The following ABCA13 variants were observed in gnomAD, a reference collection of about 807,000 sequenced individuals.
The protein encoded by ABCA13 is ATP binding cassette subfamily A member 13.
Under a neutral mutation model 478.7 loss-of-function variants are expected in ABCA13, and 476 were observed. The observed-to-expected ratio is 0.99, with a 90% CI of 0.92 to 1.07. ABCA13 has a LOEUF of 1.07. ABCA13 is among the 50% of genes least tolerant of loss of function. The pLI, the probability that ABCA13 is intolerant of heterozygous loss-of-function variation, is 0.00. For missense variants in ABCA13, 6,060 were observed against 5,910.6 expected (o/e 1.03, Z -0.83); for synonymous variants, 2,252 against 2,158.9 (o/e 1.04, Z -1.20).
At position 48,338,254 on chromosome 7, in the gene ABCA13, GT is replaced by G. The variant is rs1806579338; in HGVS notation, c.10114-108del. The G allele has an allele frequency of 1.2e-5, 9 of 727,662 alleles. No individual in the cohort carries two copies. The East Asian group carries it at 2.8e-4, about 22-fold the overall frequency. 45.1% of individuals were successfully genotyped at this position (727,662 alleles called of 1,614,324 possible). On this transcript the variant is annotated intron_variant, in intron 28 of 61. Coordinates refer to ENST00000435803, the MANE Select transcript of ABCA13 (RefSeq NM_152701.5). ...TTAAAACTTCTTTTAAGTGGATTCA[GT>G]TTATGTGCCTTGTTCCTTTGTAATG...
intron 43 of ABCA13, among the ~76,000 whole-genome samples, chr7:48,462,721 C>A (rs1170722049): frequency 6.6e-6 from 1 of 152,134 alleles, no homozygotes. Flanking sequence ...GCTGGCCAGG[C>A]TGGTCGCGAA....
intron 45 of ABCA13, among the ~76,000 whole-genome samples, chr7:48,477,890 T>G (rs1402582404): frequency 6.6e-6 from 1 of 151,792 alleles, no homozygotes; most frequent in East Asian, 1.9e-4. Flanking sequence ...TAAAGTATAA[T>G]AATAATAAAA....
At chr7:48,629,896 G>A (rs1484361332) in intron 59 of ABCA13, among the ~76,000 whole-genome samples, 1 of 152,116 alleles carries the variant, frequency 6.6e-6, no homozygotes, top group Non-Finnish European at 1.5e-5. Flanking sequence ...ACCACGTATA[G>A]CTACATGGCA....
At chr7:48,441,444 A>G (rs970395184) in intron 42 of ABCA13, among the ~76,000 whole-genome samples, 2 of 152,328 alleles carry the variant, frequency 1.3e-5, no homozygotes, top group Middle Eastern at 3.4e-3. Flanking sequence ...GTCTTCAGAA[A>G]TAGTTTTTTA....
chr7:48,219,623 A>T, intron 4 of ABCA13, 118 bp downstream of exon 4: 2 of 1,318,040 alleles, frequency 1.5e-6, no homozygotes, highest in South Asian at 3.1e-5. Flanking sequence ...CTAAACTTTC[A>T]TAGTGAGTCT....
intron 20 of ABCA13, among the ~76,000 whole-genome samples, chr7:48,291,967 T>C (rs566811382): frequency 2.0e-5 from 3 of 152,290 alleles, no homozygotes; most frequent in African/African-American, 7.2e-5. Flanking sequence ...GGCTCCTCTA[T>C]GTGGCAGAAG....
intron 42 of ABCA13, among the ~76,000 whole-genome samples, chr7:48,452,789 T>C (rs1825199355): frequency 6.6e-6 from 1 of 152,246 alleles, no homozygotes; most frequent in Non-Finnish European, 1.5e-5. Flanking sequence ...AAGAGCTTCT[T>C]GGTCAAAGGG....
chr7:48,580,321 C>T lies in ABCA13; in HGVS notation c.14452C>T (p.His4818Tyr). 1 of 1,613,104 alleles carries T rather than the reference C, an allele frequency of 6.2e-7. No individual in the cohort carries two copies. Among genetic ancestry groups the T allele is most frequent in the Non-Finnish European group, 8.5e-7 (1 of 1,179,576 alleles). The change falls in exon 56 of 62, where the codon CAT becomes TAT. Residue 4818 changes from histidine (H) to tyrosine (Y), a missense_variant. By Grantham distance (83) the His-to-Tyr change is moderately conservative. This residue lies in a region of ABCA13 where 1,627 missense variants were observed against 1,571.0 expected (regional missense o/e 1.04). Transcript: ENST00000435803. ...GGACGAGCTTCTGACTGGTTGGGAA[C>T]ATCTCTATTATTACTGTAGCTTACG... ...ALDELLTGWE[H>Y]LYYYCSLRGI...
At chr7:48,534,517 T>A (rs1833443563) in intron 55 of ABCA13, among the ~76,000 whole-genome samples, 1 of 152,118 alleles carries the variant, frequency 6.6e-6, no homozygotes, top group Admixed American at 6.6e-5. Flanking sequence ...ATTTCCCAGG[T>A]GTTCTTTGAG....
Position 48,272,409 on chromosome 7 carries a change from G to C in ABCA13, c.2743G>C (p.Glu915Gln), listed in dbSNP as rs1224547302. 2.5e-6 allele frequency: 4 copies of C among 1,613,652 alleles called. No homozygotes were observed. The East Asian group carries it at 6.7e-5, about 27-fold the overall frequency. Residue 915 changes from glutamate (E) to glutamine (Q), a missense_variant, in exon 17 of 62, where the codon GAA becomes CAA. Around this residue, in one of 3 missense-constraint regions of ABCA13, gnomAD observed 4,423 missense variants for 4,309.1 expected, o/e 1.03. Transcript: ENST00000435803. ...FGFLEQEQIS[E>Q]ALNTVYAIRN... ...ATTTTTGGAGCAGGAACAGATCTCA[G>C]AAGCTCTGAACACAGTCTACGCTAT...
rs893376170 is a variant in ABCA13, at chr7:48,544,749, AC to A, written c.14354+16407del. 1.7e-4 allele frequency among the ~76,000 whole-genome samples: 26 copies of A among 151,850 alleles called. 1 individual carries two copies. Among genetic ancestry groups the A allele is most frequent in the African/African-American group, 6.3e-4 (26 of 41,402 alleles). On this transcript the variant is annotated intron_variant, in intron 55 of 61. Coordinates refer to ENST00000435803, the MANE Select transcript of ABCA13 (RefSeq NM_152701.5). The stretch of plus-strand genomic sequence containing the variant: ...TGAGCCATTCTAGCAAATTAATCAA[AC>A]CCAAGAAGAGGGTCATAGGATCCCT...
intron 47 of ABCA13, among the ~76,000 whole-genome samples, 186 bp from the exon 48 acceptor site, chr7:48,489,050 A>G (rs886783639): frequency 6.6e-6 from 1 of 152,222 alleles, no homozygotes; most frequent in African/African-American, 2.4e-5. Flanking sequence ...TGCTGGAGAT[A>G]AATATAAAAT....
At chr7:48,259,685 T>C (rs542408859) in intron 15 of ABCA13, among the ~76,000 whole-genome samples, 1 of 151,542 alleles carries the variant, frequency 6.6e-6, no homozygotes, top group Non-Finnish European at 1.5e-5. Flanking sequence ...GATTGTGTGG[T>C]TTCTTTGTAA....
chr7:48,375,529 C>A (rs760152667), intron 34 of ABCA13, among the ~76,000 whole-genome samples: 2 of 151,918 alleles, frequency 1.3e-5, no homozygotes, highest in Non-Finnish European at 2.9e-5. Context: ...CTATTGGCAG[C>A]ATTTTTTGCT....
At chr7:48,209,628 A>G (rs1293871932) in intron 3 of ABCA13, among the ~76,000 whole-genome samples, 1 of 152,138 alleles carries the variant, frequency 6.6e-6, no homozygotes, top group Non-Finnish European at 1.5e-5. Context: ...TATTTCTTCT[A>G]AGTTTTTCAG....
rs184870593 is a variant in ABCA13, at chr7:48,432,735, T to C, written c.12565+4864T>C. 1.2e-4 allele frequency among the ~76,000 whole-genome samples: 19 copies of C among 152,268 alleles called. No individual in the cohort carries two copies. In the East Asian group the frequency reaches 3.7e-3, roughly 29 times the overall value. ...AAGCTAGGAACAGAAAGGCAAATGC[T>C]ACATAATGTCACATATATGCAGAAT... On this transcript the variant is annotated intron_variant, in intron 42 of 61. Coordinates refer to ENST00000435803, the MANE Select transcript of ABCA13 (RefSeq NM_152701.5).
At chr7:48,361,051 A>C (rs1218965107) in intron 31 of ABCA13, among the ~76,000 whole-genome samples, 1 of 151,444 alleles carries the variant, frequency 6.6e-6, no homozygotes, top group Non-Finnish European at 1.5e-5. Context: ...AGCCCAGATC[A>C]TGCCACTGTA....
chr7:48,411,588 G>A (rs964286475), intron 40 of ABCA13, among the ~76,000 whole-genome samples: 6 of 152,070 alleles, frequency 3.9e-5, no homozygotes, highest in African/African-American at 1.4e-4. Context: ...GATTACAGGC[G>A]TAAGCCACCA....
At chr7:48,287,052 A>G (rs1404178280) in intron 19 of ABCA13, among the ~76,000 whole-genome samples, 3 of 152,040 alleles carry the variant, frequency 2.0e-5, no homozygotes, top group African/African-American at 2.4e-5. Flanking sequence ...GTGGGAGGTG[A>G]GCACACAGGC....
Sources: gnomAD v4.1 joint callset for allele counts (sites outside exome capture counted in the v4.1 genomes callset) on GRCh38, gnomAD v4.1.1 for gene constraint, gnomAD v4.1.1 regional missense constraint, MANE v1.5 for transcripts, NCBI Gene and HGNC (gene_info 2026-07-23, HGNC 2026-07-21) for gene names.